The following VPS13D variants were observed in gnomAD, a reference collection of about 807,000 sequenced individuals.
The protein encoded by VPS13D is intermembrane lipid transfer protein VPS13D.
VPS13D carries 187 observed loss-of-function variants against 461.9 expected under a neutral mutation model. That is an observed-to-expected ratio of 0.40 (90% confidence interval 0.36 to 0.46). The LOEUF (loss-of-function observed/expected upper bound fraction) is 0.46. VPS13D is among the 20% of genes least tolerant of loss of function. VPS13D has a pLI of 0.60. For synonymous variants in VPS13D, 1,951 were observed against 1,986.3 expected (o/e 0.98, Z 0.47); for missense variants, 4,711 against 5,364.9 (o/e 0.88, Z 3.81).
At chr1:12,333,985 C>T (rs1207300977) in intron 38 of VPS13D, among the ~76,000 whole-genome samples, 1 of 152,180 alleles carries the variant, frequency 6.6e-6, no homozygotes, top group Non-Finnish European at 1.5e-5. Flanking sequence ...ACTGTGAAAA[C>T]TCACATTCAT....
chr1:12,351,184 T>C (rs1488716859), intron 46 of VPS13D, among the ~76,000 whole-genome samples: 1 of 152,220 alleles, frequency 6.6e-6, no homozygotes, highest in African/African-American at 2.4e-5. Context: ...TCCGAACTCA[T>C]TTTATGAGGC....
At chr1:12,444,471 T>C (rs954963541) in intron 65 of VPS13D, among the ~76,000 whole-genome samples, 81 of 151,954 alleles carry the variant, frequency 5.3e-4, no homozygotes, top group African/African-American at 1.8e-3. Flanking sequence ...TTCTGCCCCC[T>C]TTTTTTTCTT....
chr1:12,409,836 T>C (rs750689553), intron 63 of VPS13D: 15 of 455,804 alleles, frequency 3.3e-5, no homozygotes, highest in Non-Finnish European at 6.2e-5. Context: ...ATTGGAAAGC[T>C]ACCAAAACAG....
chr1:12,419,907 A>G (rs544632165), intron 65 of VPS13D, among the ~76,000 whole-genome samples: 8 of 152,310 alleles, frequency 5.3e-5, no homozygotes, highest in African/African-American at 1.4e-4. Context: ...CACCTCGGCT[A>G]TCGGCTCCTA....
Position 12,283,245 on chromosome 1 carries a change from A to G in VPS13D, c.5143A>G (p.Asn1715Asp), listed in dbSNP as rs752614167. The G allele has an allele frequency of 6.2e-7, 1 of 1,614,124 alleles. No individual in the cohort carries two copies. Among genetic ancestry groups the G allele is most frequent in the Non-Finnish European group, 8.5e-7 (1 of 1,180,008 alleles). Residue 1715 changes from asparagine to aspartate, a missense_variant, in exon 21 of 70, where the codon AAT (asparagine) becomes GAT (aspartate). Physicochemically the swap from Asn to Asp is conservative, Grantham distance 23. Coordinates refer to ENST00000620676, the MANE Select transcript of VPS13D (RefSeq NM_015378.4). Reference protein sequence around the residue: ...YLSQSCPSVSNVEYPDMPRSL... With the variant: ...YLSQSCPSVSDVEYPDMPRSL... Reference sequence around the variant, plus strand: ...TTCTCAGTCTTGCCCCTCAGTGTCCAATGTGGAATATCCTGATATGCCTCG... The same window carrying G: ...TTCTCAGTCTTGCCCCTCAGTGTCCGATGTGGAATATCCTGATATGCCTCG...
intron 57 of VPS13D, among the ~76,000 whole-genome samples, chr1:12,381,921 C>CT (rs111392900): frequency 7.4e-5 from 6 of 80,896 alleles, no homozygotes; most frequent in East Asian, 5.4e-4. Flanking sequence ...TCTTTCTTTT[C>CT]TTTTCTTTCT....
In VPS13D at chr1:12,327,855, G is replaced by A. The variant is rs1038554691; in HGVS notation, c.8197+1G>A. Reference sequence around the variant, plus strand: ...CCTCTCGCTGAACTCACCTTTTCCCGTGAGTGTTGTACTGGTTTTCAGATT... The same window carrying A: ...CCTCTCGCTGAACTCACCTTTTCCCATGAGTGTTGTACTGGTTTTCAGATT... On this transcript the variant is annotated splice_donor_variant, in intron 36 of 69. Transcript: ENST00000620676. LOFTEE classifies it high-confidence loss of function. The A allele has an allele frequency of 2.5e-6, 4 of 1,613,430 alleles. No individual in the cohort carries two copies. Among genetic ancestry groups the A allele is most frequent in the South Asian group, 1.1e-5 (1 of 91,034 alleles).
At chr1:12,404,481 A>C (rs1023173594) in intron 63 of VPS13D, among the ~76,000 whole-genome samples, 11 of 152,096 alleles carry the variant, frequency 7.2e-5, no homozygotes, top group Admixed American at 2.0e-4. Context: ...CCACTTACCC[A>C]CTGGGATATG....
At chr1:12,490,264 G>A (rs1397852088) in intron 67 of VPS13D, among the ~76,000 whole-genome samples, 1 of 152,160 alleles carries the variant, frequency 6.6e-6, no homozygotes, top group Non-Finnish European at 1.5e-5. Flanking sequence ...ATCTCTACTA[G>A]CATAGGGTTT....
chr1:12,306,451 G>A (rs115408142), intron 26 of VPS13D, among the ~76,000 whole-genome samples: 3,311 of 152,304 alleles, frequency 0.022, 62 homozygotes, highest in African/African-American at 0.038. Flanking sequence ...GGTGCTTGCC[G>A]CCACTGATGT....
chr1:12,398,493 A>G (rs2101677640), intron 60 of VPS13D, among the ~76,000 whole-genome samples: 1 of 152,030 alleles, frequency 6.6e-6, no homozygotes, highest in Admixed American at 6.6e-5. Context: ...AAGTGATATG[A>G]TAGGGGGTGT....
intron 63 of VPS13D, among the ~76,000 whole-genome samples, chr1:12,412,621 C>T (rs1037580447): frequency 2.0e-5 from 3 of 151,466 alleles, no homozygotes; most frequent in African/African-American, 7.4e-5. Context: ...TGGCCACTCC[C>T]TCCTACCGTA....
chr1:12,334,499 G>C (rs1261541912), intron 38 of VPS13D, among the ~76,000 whole-genome samples: 1 of 152,220 alleles, frequency 6.6e-6, no homozygotes. Flanking sequence ...GTGCACATTG[G>C]CTCATGCCTG....
Position 12,473,806 on chromosome 1 carries a change from T to C in VPS13D, c.12662+13410T>C, listed in dbSNP as rs768664743. On this transcript the variant is annotated intron_variant, in intron 67 of 69. Coordinates refer to ENST00000620676, the MANE Select transcript of VPS13D (RefSeq NM_015378.4). This position sits in a 1 kb window ranked among gnomAD's most constrained non-coding sequence, Gnocchi z 4.2. ...GGAGTTCATGTGCTTGGCTGGGCTT[T>C]TGTCCTTCCCATTCTCTTTCTTCAC... 9.2e-5 allele frequency among the ~76,000 whole-genome samples: 14 copies of C among 152,172 alleles called. No individual in the cohort carries two copies. The highest frequency in any genetic ancestry group is 2.1e-4 in the Non-Finnish European group (14 of 68,034).
intron 60 of VPS13D, among the ~76,000 whole-genome samples, chr1:12,396,847 G>A (rs1644505819): frequency 6.6e-6 from 1 of 151,684 alleles, no homozygotes. Flanking sequence ...TCCTTTTTTC[G>A]ACCTTACAGA....
intron 68 of VPS13D, among the ~76,000 whole-genome samples, chr1:12,498,357 C>T (rs1343909360): frequency 6.6e-6 from 1 of 152,056 alleles, no homozygotes; most frequent in East Asian, 1.9e-4. Context: ...ATTCTGAGTG[C>T]TGTGGGTGTT....
intron 53 of VPS13D, 30 bp downstream of exon 53, chr1:12,368,621 C>T (rs955688454): frequency 6.2e-7 from 1 of 1,602,098 alleles, no homozygotes; most frequent in East Asian, 2.2e-5. Context: ...GCCAGTTTGA[C>T]TGTTTCATGT....
chr1:12,485,621 A>T (rs1044605454), intron 67 of VPS13D, among the ~76,000 whole-genome samples: 1 of 152,232 alleles, frequency 6.6e-6, no homozygotes, highest in African/African-American at 2.4e-5. Context: ...TACAGAATGT[A>T]ACTTGAGACA....
At chr1:12,417,684 A>C (rs1048457856) in intron 65 of VPS13D, among the ~76,000 whole-genome samples, 1 of 152,204 alleles carries the variant, frequency 6.6e-6, no homozygotes, top group Non-Finnish European at 1.5e-5. Context: ...ACCGCGTAGA[A>C]ATGTATCTTG....
Sources: allele counts gnomAD v4.1 joint callset (sites outside exome capture counted in the v4.1 genomes callset), GRCh38; gene constraint gnomAD v4.1.1; non-coding constraint Gnocchi (gnomAD v3.1); transcripts MANE v1.5; gene names NCBI Gene and HGNC (gene_info 2026-07-23, HGNC 2026-07-21).